KDM4B: variants seen among roughly 807,000 people sequenced by gnomAD.
KDM4B encodes the protein lysine-specific demethylase 4B.
KDM4B carries 32 observed loss-of-function variants against 125.2 expected under a neutral mutation model. The observed-to-expected ratio is 0.26, with a 90% confidence interval of 0.19 to 0.34. KDM4B has a LOEUF of 0.34. Ranked by LOEUF, KDM4B falls within the 10% of genes least tolerant of loss-of-function variation. KDM4B has a pLI of 1.00. For synonymous variants in KDM4B, 721 were observed against 677.9 expected, an observed-to-expected ratio of 1.06 and a Z score of -0.99; for missense variants, 1,190 against 1,577.7, an observed-to-expected ratio of 0.75 and a Z score of 4.16.
intron 3 of KDM4B, among the ~76,000 whole-genome samples, chr19:5,039,086 T>G (rs1182125340): frequency 6.6e-6 from 1 of 152,236 alleles, no homozygotes; most frequent in African/African-American, 2.4e-5. Flanking sequence ...CAGTTCTCAC[T>G]TCCTGCTGCC....
rs370478325 is a variant in KDM4B, at chr19:5,100,374, C to G, written c.919-10248C>G. 1.6e-4 allele frequency among the ~76,000 whole-genome samples: 24 copies of G among 152,312 alleles called. No individual in the cohort carries two copies. In the South Asian group the frequency reaches 3.5e-3, roughly 22 times the overall value. ...AACTAGTGTTCCACTTTATCTTCCC[C>G]ACCTCCGTTTTCTACGTTGTCTTTT... On this transcript the variant is annotated intron_variant, in intron 9 of 22. Coordinates refer to ENST00000159111, the MANE Select transcript of KDM4B (RefSeq NM_015015.3).
intron 11 of KDM4B, among the ~76,000 whole-genome samples, chr19:5,124,329 C>T (rs1055182881): frequency 6.6e-6 from 1 of 152,180 alleles, no homozygotes; most frequent in East Asian, 1.9e-4. Context: ...CTGCTGCCGC[C>T]GCCGCTGCCA....
chr19:5,006,003 C>G (rs1012871962), intron 1 of KDM4B, among the ~76,000 whole-genome samples: 3 of 152,162 alleles, frequency 2.0e-5, no homozygotes, highest in African/African-American at 7.2e-5. Flanking sequence ...ATCACCTGAT[C>G]TGGGGGCTGT....
chr19:5,043,213 A>C (rs2036881989), intron 5 of KDM4B, among the ~76,000 whole-genome samples: 1 of 133,476 alleles, frequency 7.5e-6, no homozygotes, highest in African/African-American at 2.9e-5. Flanking sequence ...TGGGGTGTCC[A>C]CCTTATCCCA....
rs2079321900 is a variant in KDM4B at position 5,142,748 on chromosome 19, T to C, written c.2551-1219T>C. Among the ~76,000 whole-genome samples, 1 of 151,804 alleles carries C rather than the reference T, an allele frequency of 6.6e-6. No individual in the cohort carries two copies. The highest frequency in any genetic ancestry group is 6.6e-5 in the Admixed American group (1 of 15,228). Reference sequence around the variant, plus strand: ...TGCTGGAGTGATGCCTGGCGCGTGTTGTGTGATGGGAGAATTGGGTATTTA... The same window carrying C: ...TGCTGGAGTGATGCCTGGCGCGTGTCGTGTGATGGGAGAATTGGGTATTTA... On this transcript the variant is annotated intron_variant, in intron 18 of 22. Coordinates refer to ENST00000159111, the MANE Select transcript of KDM4B (RefSeq NM_015015.3). This position sits in a 1 kb window ranked among gnomAD's most constrained non-coding sequence, Gnocchi z 5.4.
At position 5,090,424 on chromosome 19, in the gene KDM4B, GTC is replaced by G. The variant is rs1178543014; in HGVS notation, c.918+7929_918+7930del. Among the ~76,000 whole-genome samples the G allele has an allele frequency of 9.3e-5, 4 of 43,122 alleles. No homozygotes were observed. The Admixed American group carries it at 1.1e-3, about 12-fold the overall frequency. 28.3% of individuals were successfully genotyped at this position (43,122 alleles called of 152,430 possible). On this transcript the variant is annotated intron_variant, in intron 9 of 22. Coordinates refer to ENST00000159111, the MANE Select transcript of KDM4B (RefSeq NM_015015.3). Reference sequence around the variant, plus strand: ...TCTCTCTCTCCCCCTCTCCCCCTCTGTCTCTCTCTCCCCCATCTCTCTTCCCC... The same window carrying G: ...TCTCTCTCTCCCCCTCTCCCCCTCTGTCTCTCTCCCCCATCTCTCTTCCCC...
At chr19:5,098,208 G>A (rs748546171) in intron 9 of KDM4B, among the ~76,000 whole-genome samples, 5 of 152,222 alleles carry the variant, frequency 3.3e-5, no homozygotes, top group East Asian at 1.9e-4. Context: ...GGGGGGACTC[G>A]GCCTCTGGGG....
At chr19:5,053,389 C>G (rs1303380972) in intron 6 of KDM4B, among the ~76,000 whole-genome samples, 1 of 152,190 alleles carries the variant, frequency 6.6e-6, no homozygotes, top group African/African-American at 2.4e-5. Flanking sequence ...ACACACTGAG[C>G]CAGGATGACA....
At chr19:5,130,670 C>G (rs551624145) in intron 11 of KDM4B, among the ~76,000 whole-genome samples, 1 of 152,240 alleles carries the variant, frequency 6.6e-6, no homozygotes, top group East Asian at 1.9e-4. Flanking sequence ...GCTTCTCCCC[C>G]ACCTCCACCG....
At chr19:5,001,760 A>T (rs970811927) in intron 1 of KDM4B, among the ~76,000 whole-genome samples, 7 of 152,214 alleles carry the variant, frequency 4.6e-5, no homozygotes, top group African/African-American at 1.7e-4. Context: ...ATACTTGCCA[A>T]TCCCAGTGCT....
chr19:5,108,766 G>A (rs1468393926), intron 9 of KDM4B, among the ~76,000 whole-genome samples: 1 of 152,228 alleles, frequency 6.6e-6, no homozygotes, highest in African/African-American at 2.4e-5. Flanking sequence ...TTGATGGAGA[G>A]GCAGAAAGTT....
At position 5,131,930 on chromosome 19, in the gene KDM4B, G is replaced by A. The variant is rs2039564441; in HGVS notation, c.1829G>A (p.Ser610Asn). The A allele has an allele frequency of 6.2e-7, 1 of 1,612,586 alleles. No individual in the cohort carries two copies. Among genetic ancestry groups the A allele is most frequent in the Non-Finnish European group, 8.5e-7 (1 of 1,179,860 alleles). Residue 610 changes from serine to asparagine, a missense_variant, in exon 13 of 23, where the codon AGC becomes AAC. By Grantham distance (46) the Ser-to-Asn change is conservative. This residue lies in a region of KDM4B where 13 missense variants were observed against 34.8 expected (regional missense o/e 0.37). Transcript: ENST00000159111. The stretch of plus-strand genomic sequence containing the variant: ...AAATTGAAGATGGAGATCAAGAAGA[G>A]CCGGCGCCATCCCCTGGGCCGGCCG... ...FSKLKMEIKK[S>N]RRHPLGRPPT...
intron 21 of KDM4B, among the ~76,000 whole-genome samples, chr19:5,146,170 A>T (rs1365525400): frequency 4.6e-5 from 6 of 129,568 alleles, no homozygotes; most frequent in African/African-American, 1.8e-4. Flanking sequence ...AGCATCCAGG[A>T]CCGCCTTGCC....
At chr19:4,976,418 ACT>A (rs1369889063) in intron 1 of KDM4B, among the ~76,000 whole-genome samples, 3 of 151,760 alleles carry the variant, frequency 2.0e-5, no homozygotes, top group African/African-American at 4.8e-5. Context: ...GAGACGCCAG[ACT>A]CTCTTGCTCT....
chr19:5,134,142 G>T lies in KDM4B; in HGVS notation c.2085+81G>T, dbSNP rs1394118869. 3.0e-6 allele frequency: 4 copies of T among 1,334,126 alleles called. No individual in the cohort carries two copies. The South Asian group carries it at 4.1e-5, about 14-fold the overall frequency. 82.6% of individuals were successfully genotyped at this position (1,334,126 alleles called of 1,614,324 possible). ...GGGCGAGGGACCGGGCACCCCACAC[G>T]CCTCCCTCTCTCACGCAGGGCAGGG... On this transcript the variant is annotated intron_variant, in intron 14 of 22. Transcript: ENST00000159111.
rs528864231 is a variant in KDM4B at position 5,006,910 on chromosome 19, T to C, written c.-108-9347T>C. Among the ~76,000 whole-genome samples the C allele has an allele frequency of 4.4e-4, 67 of 152,168 alleles. 1 individual carries two copies. The highest frequency in any genetic ancestry group is 1.5e-3 in the African/African-American group (63 of 41,506). On this transcript the variant is annotated intron_variant, in intron 1 of 22. Coordinates refer to ENST00000159111, the MANE Select transcript of KDM4B (RefSeq NM_015015.3). ...GGGAGTGACAACAGTGCCTTTCCCATGGGGCTGCTGGGAAGTGACTCAACG... is the reference window on the plus strand; with the variant it reads ...GGGAGTGACAACAGTGCCTTTCCCACGGGGCTGCTGGGAAGTGACTCAACG...
chr19:5,140,008 G>A (rs544971342), intron 18 of KDM4B, among the ~76,000 whole-genome samples: 2 of 152,288 alleles, frequency 1.3e-5, no homozygotes, highest in East Asian at 1.9e-4. Flanking sequence ...CAGATTCCTC[G>A]ACCTCTCTGT....
intron 6 of KDM4B, among the ~76,000 whole-genome samples, chr19:5,049,429 C>T (rs892548015): frequency 2.0e-5 from 3 of 151,578 alleles, no homozygotes; most frequent in Non-Finnish European, 4.4e-5. Flanking sequence ...ACAGTTCTTT[C>T]GGGAAGGGAA....
chr19:5,093,582 C>T (rs1280001259), intron 9 of KDM4B, among the ~76,000 whole-genome samples: 2 of 152,246 alleles, frequency 1.3e-5, no homozygotes, highest in Non-Finnish European at 2.9e-5. Flanking sequence ...CCCACTCGTC[C>T]TTCCCACGCG....
Sources: gnomAD v4.1 joint callset for allele counts (sites outside exome capture counted in the v4.1 genomes callset) on GRCh38, gnomAD v4.1.1 for gene constraint, gnomAD v4.1.1 regional missense constraint, Gnocchi (gnomAD v3.1) non-coding constraint, MANE v1.5 for transcripts, NCBI Gene and HGNC (gene_info 2026-07-23, HGNC 2026-07-21) for gene names.